Variants in PTPRG observed in about 807,000 individuals in gnomAD.
The protein encoded by PTPRG is protein tyrosine phosphatase receptor type G.
A neutral mutation model predicts 165.3 loss-of-function variants in PTPRG; 102 were observed. That is an observed-to-expected ratio of 0.62 (90% CI 0.53 to 0.73). PTPRG has a LOEUF of 0.73. Ranked by LOEUF, PTPRG falls within the 30% of genes least tolerant of loss-of-function variation. The pLI is 0.00. For missense variants in PTPRG, 1,866 were observed against 1,861.4 expected (o/e 1.00, Z -0.05); for synonymous variants, 675 against 669.5 (o/e 1.01, Z -0.13).
At chr3:61,851,596 T>C (rs1414808895) in intron 2 of PTPRG, among the ~76,000 whole-genome samples, 7 of 152,208 alleles carry the variant, frequency 4.6e-5, no homozygotes, top group Admixed American at 4.6e-4. Context: ...AATGGGTTGT[T>C]TGAATCAGGT....
chr3:61,798,088 C>G (rs1238242061), intron 2 of PTPRG, among the ~76,000 whole-genome samples: 1 of 152,120 alleles, frequency 6.6e-6, no homozygotes, highest in Admixed American at 6.6e-5. Context: ...TCTTAAAATG[C>G]TCGTCTGCAT....
At chr3:61,619,427 A>G (rs1701389123) in intron 1 of PTPRG, among the ~76,000 whole-genome samples, 1 of 152,178 alleles carries the variant, frequency 6.6e-6, no homozygotes, top group Non-Finnish European at 1.5e-5. Flanking sequence ...TTCGACTGTC[A>G]GGACTGGGAG....
intron 17 of PTPRG, among the ~76,000 whole-genome samples, chr3:62,264,702 G>C (rs1701808454): frequency 6.6e-6 from 1 of 151,998 alleles, no homozygotes; most frequent in South Asian, 2.1e-4. Context: ...TCATTTGATG[G>C]ACATTGTTTC....
intron 5 of PTPRG, among the ~76,000 whole-genome samples, chr3:62,083,203 A>C (rs1246930549): frequency 6.6e-6 from 1 of 152,118 alleles, no homozygotes; most frequent in Non-Finnish European, 1.5e-5. Flanking sequence ...GAAAATATAA[A>C]ATATCAGAAG....
At chr3:62,025,858 G>A (rs2041792071) in intron 4 of PTPRG, among the ~76,000 whole-genome samples, 2 of 152,206 alleles carry the variant, frequency 1.3e-5, no homozygotes, top group East Asian at 3.9e-4. Context: ...GCTTCCTTAC[G>A]AATTGGCTTT....
chr3:61,924,758 C>G (rs2039164755), intron 2 of PTPRG, among the ~76,000 whole-genome samples: 4 of 152,142 alleles, frequency 2.6e-5, no homozygotes. Flanking sequence ...GTCATATGGT[C>G]TCTGCTGCAA....
At chr3:61,754,980 C>T (rs1559593860) in intron 2 of PTPRG, among the ~76,000 whole-genome samples, 2 of 151,800 alleles carry the variant, frequency 1.3e-5, no homozygotes, top group Non-Finnish European at 2.9e-5. Flanking sequence ...ATAGAGACCT[C>T]CTTCTTCTTC....
At chr3:61,834,348 G>A (rs565804316) in intron 2 of PTPRG, among the ~76,000 whole-genome samples, 2 of 152,100 alleles carry the variant, frequency 1.3e-5, no homozygotes, top group African/African-American at 4.8e-5. Context: ...TACCCTGGCA[G>A]GGGGTCAGTT....
chr3:61,688,282 C>T (rs1379670606), intron 1 of PTPRG, among the ~76,000 whole-genome samples: 4 of 152,270 alleles, frequency 2.6e-5, no homozygotes, highest in South Asian at 4.1e-4. Context: ...TTGTTTCGGA[C>T]CTCAAGTCAA....
chr3:62,116,119 A>C (rs1015182308), intron 5 of PTPRG, among the ~76,000 whole-genome samples: 1 of 152,138 alleles, frequency 6.6e-6, no homozygotes, highest in Non-Finnish European at 1.5e-5. Context: ...TACTTGCCCA[A>C]AGTCAACCAG....
At chr3:61,920,972 T>G (rs1020536809) in intron 2 of PTPRG, among the ~76,000 whole-genome samples, 22 of 152,224 alleles carry the variant, frequency 1.4e-4, no homozygotes, top group African/African-American at 4.3e-4. Flanking sequence ...TGGTAAGCTT[T>G]CTTTCATTGG....
rs145720893 is a variant in PTPRG at position 61,889,982 on chromosome 3, A to C, written c.191-99643A>C. Among the ~76,000 whole-genome samples the C allele has an allele frequency of 4.0e-3, 605 of 152,328 alleles. 3 individuals carry two copies. The highest frequency in any genetic ancestry group is 0.014 in the Middle Eastern group (4 of 294). ...CTGAAACACATGGAATTATTTTAGC[A>C]AGTATTCTGTTAAGGGGCCTCCAAA... On this transcript the variant is annotated intron_variant, in intron 2 of 29. Transcript: ENST00000474889.
chr3:61,963,196 C>G (rs2040193535), intron 2 of PTPRG, among the ~76,000 whole-genome samples: 1 of 152,268 alleles, frequency 6.6e-6, no homozygotes, highest in East Asian at 1.9e-4. Flanking sequence ...CAGCATAAGA[C>G]TTTAAGGGGT....
In PTPRG at chr3:62,203,376, C is replaced by T. The variant is rs1345564935; in HGVS notation, c.1581C>T (p.Ser527=). Residue 527 remains serine, a synonymous_variant, in exon 12 of 30, where the codon TCC becomes TCT. Transcript: ENST00000474889. The surrounding 1 kb of genome is among the most constrained non-coding windows in gnomAD (Gnocchi z 6.4). ...AGLGFGGGGI[S]SFPSTVWPTR... Reference sequence around the variant, plus strand: ...TGGGGTTCGGCGGTGGTGGCATCTCCTCTTTCCCCAGCACTGTGTGGCCCA... The same window carrying T: ...TGGGGTTCGGCGGTGGTGGCATCTCTTCTTTCCCCAGCACTGTGTGGCCCA... 1.9e-6 allele frequency: 3 copies of T among 1,613,298 alleles called. No homozygotes were observed. The East Asian group carries it at 6.7e-5, about 36-fold the overall frequency.
intron 2 of PTPRG, among the ~76,000 whole-genome samples, chr3:61,818,660 C>T (rs2035862364): frequency 1.3e-5 from 2 of 151,826 alleles, no homozygotes; most frequent in African/African-American, 2.4e-5. Context: ...CAAGAAGACC[C>T]TGTCTCCAAA....
intron 8 of PTPRG, among the ~76,000 whole-genome samples, chr3:62,177,778 T>A (rs1335463485): frequency 6.6e-6 from 1 of 152,122 alleles, no homozygotes; most frequent in Non-Finnish European, 1.5e-5. Context: ...AGCGCAAGGG[T>A]CCCTTCCCCA....
At chr3:62,231,143 A>T in intron 13 of PTPRG, 82 bp from the exon 14 acceptor site, 1 of 1,046,724 alleles carries the variant, frequency 9.6e-7, no homozygotes, top group East Asian at 2.9e-5. Flanking sequence ...ATGGGAGGGG[A>T]GGGCATTTGT....
chr3:61,623,214 A>C (rs1185438184), intron 1 of PTPRG, among the ~76,000 whole-genome samples: 3 of 152,226 alleles, frequency 2.0e-5, no homozygotes, highest in Non-Finnish European at 4.4e-5. Flanking sequence ...GAATCAGGAC[A>C]GTGGGAGCTA....
intron 1 of PTPRG, among the ~76,000 whole-genome samples, chr3:61,622,645 A>G (rs1701494984): frequency 6.6e-6 from 1 of 152,226 alleles, no homozygotes; most frequent in African/African-American, 2.4e-5. Flanking sequence ...TATACAAATA[A>G]TTGCAAATCC....
Sources: allele counts gnomAD v4.1 joint callset (sites outside exome capture counted in the v4.1 genomes callset), GRCh38; gene constraint gnomAD v4.1.1; non-coding constraint Gnocchi (gnomAD v3.1); transcripts MANE v1.5; gene names NCBI Gene and HGNC (gene_info 2026-07-23, HGNC 2026-07-21).